ADGRF3: variants seen among roughly 807,000 people sequenced by gnomAD.
The protein encoded by ADGRF3 is adhesion G protein-coupled receptor F3.
Under a neutral mutation model 93.2 loss-of-function variants are expected in ADGRF3, and 85 were observed. The observed-to-expected ratio is 0.91, with a 90% CI of 0.77 to 1.09. The LOEUF is 1.09. Ranked by LOEUF, ADGRF3 falls within the 50% of genes least tolerant of loss-of-function variation. The pLI is 0.00. For synonymous variants in ADGRF3, 534 were observed against 532.5 expected (o/e 1.00, Z -0.04); for missense variants, 1,125 against 1,246.2 (o/e 0.90, Z 1.46).
At chr2:26,315,861 T>C in intron 4 of ADGRF3, 121 bp from the exon 5 acceptor site, 1 of 1,430,404 alleles carries the variant, frequency 7.0e-7, no homozygotes, top group Admixed American at 2.5e-5. Flanking sequence ...CCCTAGCTTT[T>C]TAACTTTTTC....
chr2:26,345,860 A>AC (rs2147937298), intron 1 of ADGRF3: 1 of 478,284 alleles, frequency 2.1e-6, no homozygotes, highest in Non-Finnish European at 3.7e-6. Context: ...TTGACCTTTC[A>AC]CCCCCTCTCT....
intron 1 of ADGRF3, among the ~76,000 whole-genome samples, chr2:26,322,127 T>C (rs1343021477): frequency 6.7e-6 from 1 of 149,714 alleles, no homozygotes; most frequent in African/African-American, 2.5e-5. Flanking sequence ...TACTAAAATA[T>C]GAAAATTAGC....
Position 26,317,946 on chromosome 2 carries a change from A to G in ADGRF3, c.115-384T>C, listed in dbSNP as rs1461588557. The G allele has an allele frequency of 1.4e-4, 176 of 1,216,884 alleles. 2 individuals carry two copies. The highest frequency in any genetic ancestry group is 5.9e-6 in the Non-Finnish European group (5 of 841,350). The allele number at this position is 1,216,884 out of a possible 1,614,324, so 75.4% of individuals were successfully genotyped here. On this transcript the variant is annotated intron_variant, in intron 1 of 13. Transcript: ENST00000651242. ...GAGTTTATTCCTTCTGTAGGATTTG[A>G]CAGCAGGGTGAGCAGAAGGCAGCCT...
rs761161281 is a variant in ADGRF3 at position 26,311,891 on chromosome 2, G to A, written c.1633C>T (p.Gln545Ter). ...FSLPNVLLQS[Q>*]LFGPTFPADY... Reference sequence around the variant, plus strand: ...GCAGGAAACGTGGGTCCAAACAGCTGGCTCTGCAGCAGCACATTGGGTAAG... The same window carrying A: ...GCAGGAAACGTGGGTCCAAACAGCTAGCTCTGCAGCAGCACATTGGGTAAG... The change falls in exon 10 of 14, where the codon CAG (glutamine) becomes TAG (stop). Residue 545 changes from glutamine to a stop codon, truncating the protein, a stop_gained. Coordinates refer to ENST00000651242, the MANE Select transcript of ADGRF3 (RefSeq NM_001321971.2). LOFTEE classifies it high-confidence loss of function. 3 of 1,613,954 alleles carry A rather than the reference G, an allele frequency of 1.9e-6. No individual in the cohort carries two copies. Among genetic ancestry groups the A allele is most frequent in the Non-Finnish European group, 2.5e-6 (3 of 1,179,866 alleles).
At chr2:26,331,532 G>A (rs1178694076) in intron 1 of ADGRF3, among the ~76,000 whole-genome samples, 1 of 152,166 alleles carries the variant, frequency 6.6e-6, no homozygotes, top group African/African-American at 2.4e-5. Flanking sequence ...CTGGGTGAAA[G>A]AGCAAAACTT....
intron 1 of ADGRF3, among the ~76,000 whole-genome samples, chr2:26,328,088 G>A (rs1354727435): frequency 1.3e-5 from 2 of 152,220 alleles, no homozygotes; most frequent in East Asian, 3.9e-4. Flanking sequence ...CTAGACCTCA[G>A]TTTTCACATC....
At chr2:26,317,649 A>G (rs1674820166) in intron 1 of ADGRF3, 87 bp from the exon 2 acceptor site, 6 of 1,167,630 alleles carry the variant, frequency 5.1e-6, no homozygotes, top group Non-Finnish European at 7.5e-6. Context: ...AGCATGACTC[A>G]GTCTCAACCA....
intron 1 of ADGRF3, among the ~76,000 whole-genome samples, chr2:26,324,930 T>G (rs767140086): frequency 6.6e-6 from 1 of 152,248 alleles, no homozygotes; most frequent in Non-Finnish European, 1.5e-5. Flanking sequence ...TAATTTACAC[T>G]CCCGCCAACA....
At chr2:26,337,501 A>C (rs1676122073) in intron 1 of ADGRF3, among the ~76,000 whole-genome samples, 1 of 152,226 alleles carries the variant, frequency 6.6e-6, no homozygotes, top group African/African-American at 2.4e-5. Flanking sequence ...CCCATTCCAA[A>C]TTGCTGACCC....
Position 26,311,771 on chromosome 2 carries a change from T to A in ADGRF3, c.1753A>T (p.Ser585Cys), listed in dbSNP as rs144639717. The A allele has an allele frequency of 3.6e-4, 578 of 1,613,528 alleles. No homozygotes were observed. Among genetic ancestry groups the A allele is most frequent in the Non-Finnish European group, 1.3e-4 (158 of 1,179,758 alleles). Residue 585 changes from serine to cysteine, a missense_variant, in exon 10 of 14, where the codon AGT becomes TGT. Coordinates refer to ENST00000651242, the MANE Select transcript of ADGRF3 (RefSeq NM_001321971.2). ...APLVRNGTEI[S>C]ITSLVLRKLD... is the part of the protein sequence containing the mutation. Reference sequence around the variant, plus strand: ...TTTCGCAGCACCAGGCTAGTAATACTTATTTCAGTTCCATTACGGACCAAT... The same window carrying A: ...TTTCGCAGCACCAGGCTAGTAATACATATTTCAGTTCCATTACGGACCAAT...
Position 26,309,022 on chromosome 2 carries a change from C to T in ADGRF3, c.*64G>A. The T allele has an allele frequency of 1.2e-6, 2 of 1,612,058 alleles. No homozygotes were observed. The highest frequency in any genetic ancestry group is 1.7e-6 in the Non-Finnish European group (2 of 1,178,294). ...AAGAGTTCAGAGCATTGGGCCAGGG[C>T]TCATCTGGTGGGTTCAAGCACACAG... On this transcript the variant is annotated 3_prime_UTR_variant, in exon 14 of 14. Coordinates refer to ENST00000651242, the MANE Select transcript of ADGRF3 (RefSeq NM_001321971.2).
At chr2:26,312,096 T>A in intron 9 of ADGRF3, 22 bp from the exon 10 acceptor site, 3 of 1,584,142 alleles carry the variant, frequency 1.9e-6, no homozygotes, top group South Asian at 2.3e-5. Flanking sequence ...AAAAGAAAGA[T>A]GAACCCCGTC....
chr2:26,336,640 C>T (rs946409769), intron 1 of ADGRF3, among the ~76,000 whole-genome samples: 16 of 137,480 alleles, frequency 1.2e-4, no homozygotes, highest in African/African-American at 4.1e-4. Context: ...GTAGGAGAAT[C>T]TCTTCAGCCC....
rs368532915 is a variant in ADGRF3 at position 26,310,953 on chromosome 2, C to T, written c.2571G>A (p.Ala857=). The change falls in exon 10 of 14, where the codon GCG becomes GCA. Residue 857 remains alanine, a synonymous_variant. Transcript: ENST00000651242. ...GECWLDGKGG[A]LYTFVGPVLA... ...GCACTGGCCCCACGAAGGTGTATAACGCCCCTCCCTTCCCATCCAACCAGC... is the reference window on the plus strand; with the variant it reads ...GCACTGGCCCCACGAAGGTGTATAATGCCCCTCCCTTCCCATCCAACCAGC... 58 of 1,613,690 alleles carry T rather than the reference C, an allele frequency of 3.6e-5. No individual in the cohort carries two copies. The Middle Eastern group carries it at 4.9e-4, about 14-fold the overall frequency.
intron 1 of ADGRF3, among the ~76,000 whole-genome samples, chr2:26,325,092 T>C (rs1675368978): frequency 6.6e-6 from 1 of 152,184 alleles, no homozygotes; most frequent in African/African-American, 2.4e-5. Context: ...GATACAGGAT[T>C]TCTGCTGGTT....
Position 26,312,923 on chromosome 2 carries a change from C to A in ADGRF3, c.1449+20G>T. ...CCCCCGACTGCCCAGCTGGCCCCCA[C>A]TGTGGCTCAGAGATCTCACCTTCAG... is the stretch of plus-strand genomic sequence containing the variant. On this transcript the variant is annotated intron_variant, in intron 9 of 13. Transcript: ENST00000651242. The A allele has an allele frequency of 6.3e-7, 1 of 1,590,722 alleles. No individual in the cohort carries two copies. The highest frequency in any genetic ancestry group is 2.3e-5 in the East Asian group (1 of 43,964).
chr2:26,336,727 A>ATT (rs1676069884), intron 1 of ADGRF3, among the ~76,000 whole-genome samples: 1 of 145,826 alleles, frequency 6.9e-6, no homozygotes, highest in Non-Finnish European at 1.5e-5. Flanking sequence ...CTCCATAAAA[A>ATT]AAAAAAAAAA....
intron 1 of ADGRF3, among the ~76,000 whole-genome samples, chr2:26,337,431 G>A (rs1676117622): frequency 6.6e-6 from 1 of 152,214 alleles, no homozygotes; most frequent in Non-Finnish European, 1.5e-5. Flanking sequence ...AGTGTGAAAT[G>A]ATTACCACAG....
In ADGRF3 at chr2:26,316,970, A is replaced by C; in HGVS notation, c.267T>G (p.Pro89=). 3.7e-6 allele frequency: 6 copies of C among 1,613,234 alleles called. No individual in the cohort carries two copies. The highest frequency in any genetic ancestry group is 5.1e-6 in the Non-Finnish European group (6 of 1,179,630). Residue 89 remains proline, a synonymous_variant, in exon 3 of 14, where the codon CCT becomes CCG. Transcript: ENST00000651242. The stretch of plus-strand genomic sequence containing the variant: ...TTGGGGAAGAGGAAGCTGAGGCAGC[A>C]GGGAGAGTCAGTGTCCTGGAGAGTT... ...PPELSRTLTL[P]AASASSSPRP...
Sources: gnomAD v4.1 joint callset for allele counts (sites outside exome capture counted in the v4.1 genomes callset) on GRCh38, gnomAD v4.1.1 for gene constraint, MANE v1.5 for transcripts, NCBI Gene and HGNC (gene_info 2026-07-23, HGNC 2026-07-21) for gene names.